The following SYAP1 variants were observed in gnomAD, a reference collection of about 807,000 sequenced individuals.
SYAP1 encodes the protein synapse-associated protein 1.
A neutral mutation model predicts 29.6 loss-of-function variants in SYAP1; 3 were observed. The observed-to-expected ratio is 0.10, with a 90% CI of 0.05 to 0.26. SYAP1 has a LOEUF of 0.26. Among genes scored for constraint, SYAP1 ranks in the 10% least tolerant of loss-of-function variants. The pLI, the probability that SYAP1 is intolerant of heterozygous loss-of-function variation, is 1.00. For synonymous variants in SYAP1, 102 were observed against 102.7 expected (o/e 0.99, Z 0.04); for missense variants, 217 against 264.1 (o/e 0.82, Z 1.24).
intron 5 of SYAP1, among the ~76,000 whole-genome samples, chrX:16,753,871 G>A (rs1926788378): frequency 1.8e-5 from 2 of 110,624 alleles, no homozygotes; most frequent in Non-Finnish European, 3.8e-5. Flanking sequence ...CTGTGCATGT[G>A]GCTGATCTGT....
At chrX:16,737,225 A>C (rs1445426227) in intron 3 of SYAP1, among the ~76,000 whole-genome samples, 1 of 111,443 alleles carries the variant, frequency 9.0e-6, no homozygotes, top group Non-Finnish European at 1.9e-5. Flanking sequence ...AAAAAAATAA[A>C]AAGAAATTAG....
At chrX:16,752,692 A>G (rs961536917) in intron 5 of SYAP1, among the ~76,000 whole-genome samples, 3 of 110,682 alleles carry the variant, frequency 2.7e-5, no homozygotes, top group Non-Finnish European at 5.7e-5. Flanking sequence ...TGTCTCATCA[A>G]TCTCCTTATG....
rs1004053027 is a variant in SYAP1, at chrX:16,737,883, C to T, written c.361+1651C>T. Among the ~76,000 whole-genome samples, 3 of 111,873 alleles carry T rather than the reference C, an allele frequency of 2.7e-5. No individual in the cohort carries two copies. In the Admixed American group the frequency reaches 2.9e-4, roughly 11 times the overall value. Reference sequence around the variant, plus strand: ...TGGCTCTGAATTAAATAAGCAGGCTCCTGCAGCAGTTTATTCCTGTTTGAA... The same window carrying T: ...TGGCTCTGAATTAAATAAGCAGGCTTCTGCAGCAGTTTATTCCTGTTTGAA... On this transcript the variant is annotated intron_variant, in intron 3 of 8. Transcript: ENST00000380155.
chrX:16,720,482 T>A (rs1328698553), intron 1 of SYAP1, among the ~76,000 whole-genome samples: 2 of 112,357 alleles, frequency 1.8e-5, no homozygotes, highest in Non-Finnish European at 3.8e-5. Flanking sequence ...CCATTTCATC[T>A]GTTAAACACC....
Position 16,760,935 on chromosome X carries a change from T to TA in SYAP1, c.*577dup, listed in dbSNP as rs2147440710. 2 of 111,743 alleles carry TA rather than the reference T, an allele frequency of 1.8e-5. 1 individual carries two copies. Among genetic ancestry groups the TA allele is most frequent in the South Asian group, 7.4e-4 (2 of 2,701 alleles). The allele number at this position is 111,743 out of a possible 1,213,427, so 9.2% of individuals were successfully genotyped here. ...CATCACACAATTTTACATTAAGAAA[T>TA]ACTGTGCAGGCCATGCGTGGTGGCT... On this transcript the variant is annotated 3_prime_UTR_variant, in exon 9 of 9. Transcript: ENST00000380155.
rs1339476552 is a variant in SYAP1, at chrX:16,761,836, A to G, written c.*1477A>G. 1 of 112,540 alleles carries G rather than the reference A, an allele frequency of 8.9e-6. No individual in the cohort carries two copies. The highest frequency in any genetic ancestry group is 4.2e-3 in the Middle Eastern group (1 of 239). The allele number at this position is 112,540 out of a possible 1,213,427, so 9.3% of individuals were successfully genotyped here. A position where few individuals can be genotyped will look rare whatever the true frequency, so the allele number is the denominator to read the frequency against. ...TAAAATGTTTCTTTATAAGAAAAAT[A>G]TACATATTTGTGTTCTTGGCCCCAT... is the stretch of plus-strand genomic sequence containing the variant. On this transcript the variant is annotated 3_prime_UTR_variant, in exon 9 of 9. Transcript: ENST00000380155.
chrX:16,756,791 A>T, intron 7 of SYAP1, 70 bp downstream of exon 7: 1 of 1,008,694 alleles, frequency 9.9e-7, no homozygotes, highest in African/African-American at 1.9e-5. Context: ...ACTCTTTCTG[A>T]TACCATTTAA....
intron 8 of SYAP1, among the ~76,000 whole-genome samples, chrX:16,758,317 T>C (rs1926897229): frequency 9.1e-6 from 1 of 109,612 alleles, no homozygotes; most frequent in Non-Finnish European, 1.9e-5. Context: ...AGTGCTAGTA[T>C]TATAGGTATG....
rs1460658308 is a variant in SYAP1, at chrX:16,733,698, C to T, written c.176-1529C>T. ...TTTTTTTTTTTTAGACGGAGTCTCG[C>T]TCTGTTGCCCAGGCTAGAGTGTAGT... On this transcript the variant is annotated intron_variant, in intron 1 of 8. Coordinates refer to ENST00000380155, the MANE Select transcript of SYAP1 (RefSeq NM_032796.4). Among the ~76,000 whole-genome samples, 6 of 107,416 alleles carry T rather than the reference C, an allele frequency of 5.6e-5. No individual in the cohort carries two copies. In the Admixed American group the frequency reaches 6.0e-4, roughly 11 times the overall value. The allele number at this position is 107,416 out of a possible 115,157, so 93.3% of individuals were successfully genotyped here.
Position 16,719,661 on chromosome X carries a change from A to T in SYAP1, c.-64A>T, listed in dbSNP as rs1162400300. 8.7e-7 allele frequency: 1 copy of T among 1,146,042 alleles called. No individual in the cohort carries two copies. The allele number at this position is 1,146,042 out of a possible 1,213,427, so 94.4% of individuals were successfully genotyped here. On this transcript the variant is annotated 5_prime_UTR_variant, in exon 1 of 9. Transcript: ENST00000380155. Reference sequence around the variant, plus strand: ...CCTGGGAGTCGCGCAGAGTGGAGTCAAAGGCAACCAGTGCTCGCTGCGGTC... The same window carrying T: ...CCTGGGAGTCGCGCAGAGTGGAGTCTAAGGCAACCAGTGCTCGCTGCGGTC...
Position 16,741,719 on chromosome X carries a change from C to T in SYAP1, c.365C>T (p.Ala122Val). The change falls in exon 4 of 9, where the codon GCA becomes GTA. Residue 122 changes from alanine (A) to valine (V), a missense_variant. Physicochemically the swap from Ala to Val is moderately conservative, Grantham distance 64. Transcript: ENST00000380155. ...VEEQHTKKSEAAVPPWVDTND... is the reference protein window; with the variant it reads ...VEEQHTKKSEVAVPPWVDTND... ...TTTGCCATTAAAAACTGTATAGAAG[C>T]AGCTGTGCCCCCATGGGTTGACACT... 1 of 1,199,129 alleles carries T rather than the reference C, an allele frequency of 8.3e-7. No individual in the cohort carries two copies. The highest frequency in any genetic ancestry group is 2.3e-4 in the Middle Eastern group (1 of 4,297).
Position 16,719,883 on chromosome X carries a change from G to A in SYAP1, c.159G>A (p.Gln53=), listed in dbSNP as rs894423070. The change falls in exon 1 of 9, where the codon CAG becomes CAA. Residue 53 remains glutamine (Q), a synonymous_variant. Coordinates refer to ENST00000380155, the MANE Select transcript of SYAP1 (RefSeq NM_032796.4). ...QQAGDQELLH[Q]AKDFGNYLFN... is the part of the protein sequence containing the mutation. ...CGGGAGACCAGGAGCTCCTCCACCA[G>A]GCCAAAGACTTCGGCAGTGAGTCTA... 1.7e-6 allele frequency: 2 copies of A among 1,187,213 alleles called. No individual in the cohort carries two copies. Among genetic ancestry groups the A allele is most frequent in the Non-Finnish European group, 2.3e-6 (2 of 884,052 alleles).
chrX:16,748,901 C>T (rs1259910241), intron 5 of SYAP1, among the ~76,000 whole-genome samples: 3 of 109,014 alleles, frequency 2.8e-5, no homozygotes, highest in East Asian at 2.9e-4. Context: ...GGACTACAGG[C>T]GCACGCCACC....
intron 5 of SYAP1, among the ~76,000 whole-genome samples, chrX:16,744,923 G>A (rs1015801020): frequency 1.4e-4 from 16 of 112,025 alleles, no homozygotes; most frequent in Non-Finnish European, 2.8e-4. Context: ...CCATGATCAC[G>A]CCACTGGCAT....
At chrX:16,734,803 C>A (rs1279116277) in intron 1 of SYAP1, among the ~76,000 whole-genome samples, 1 of 109,215 alleles carries the variant, frequency 9.2e-6, no homozygotes, top group Non-Finnish European at 1.9e-5. Context: ...CGAGACCAAT[C>A]TGACCAACAT....
At position 16,761,250 on chromosome X, in the gene SYAP1, T is replaced by C. The variant is rs934604026; in HGVS notation, c.*891T>C. ...AAAAAAGCTGTGCGAAAATATTTGT[T>C]TTTCTCTGGGGCCTTTTCTTTCTTT... is the stretch of plus-strand genomic sequence containing the variant. On this transcript the variant is annotated 3_prime_UTR_variant, in exon 9 of 9. Coordinates refer to ENST00000380155, the MANE Select transcript of SYAP1 (RefSeq NM_032796.4). 4 of 109,135 alleles carry C rather than the reference T, an allele frequency of 3.7e-5. No homozygotes were observed. Among genetic ancestry groups the C allele is most frequent in the African/African-American group, 1.3e-4 (4 of 30,075 alleles). The allele number at this position is 109,135 out of a possible 1,213,427, so 9.0% of individuals were successfully genotyped here.
intron 5 of SYAP1, among the ~76,000 whole-genome samples, chrX:16,747,723 C>T (rs780544155): frequency 3.5e-5 from 4 of 113,035 alleles, no homozygotes; most frequent in Non-Finnish European, 7.5e-5. Flanking sequence ...CCAGTTTCCT[C>T]CTACTAATTT....
chrX:16,723,602 C>A (rs916241122), intron 1 of SYAP1, among the ~76,000 whole-genome samples: 1 of 111,714 alleles, frequency 9.0e-6, no homozygotes, highest in East Asian at 2.8e-4. Context: ...CATTCCCACA[C>A]TAAGATGCTG....
intron 1 of SYAP1, among the ~76,000 whole-genome samples, chrX:16,730,183 G>C (rs1007097949): frequency 9.0e-6 from 1 of 111,166 alleles, no homozygotes; most frequent in Non-Finnish European, 1.9e-5. Flanking sequence ...GTAAAACCCC[G>C]TCTCTACTAA....
Sources: allele counts gnomAD v4.1 joint callset (sites outside exome capture counted in the v4.1 genomes callset), GRCh38; gene constraint gnomAD v4.1.1; transcripts MANE v1.5; gene names NCBI Gene and HGNC (gene_info 2026-07-23, HGNC 2026-07-21).